Variants in PGM5 observed in about 807,000 individuals in gnomAD.
PGM5 encodes the protein phosphoglucomutase 5, also known as phosphoglucomutase-like protein 5.
PGM5 carries 23 observed loss-of-function variants against 59.2 expected under a neutral mutation model. The observed-to-expected ratio is 0.39, with a 90% CI of 0.28 to 0.55. The LOEUF is 0.55. PGM5 is among the 20% of genes least tolerant of loss of function. The pLI is 0.66. For synonymous variants in PGM5, 214 were observed against 286.0 expected (o/e 0.75, Z 2.54); for missense variants, 574 against 748.3 (o/e 0.77, Z 2.72).
At chr9:68,456,756 C>G (rs1291831685) in intron 6 of PGM5, among the ~76,000 whole-genome samples, 2 of 151,688 alleles carry the variant, frequency 1.3e-5, no homozygotes, top group Non-Finnish European at 2.9e-5. Flanking sequence ...TCCCAAGTAG[C>G]TAGGATTACA....
chr9:68,392,765 A>G (rs1167659311), intron 6 of PGM5, among the ~76,000 whole-genome samples: 4 of 152,092 alleles, frequency 2.6e-5, no homozygotes, highest in Non-Finnish European at 5.9e-5. Context: ...GATTGTCATG[A>G]AGTACAAATG....
chr9:68,496,026 C>T (rs1025726290), intron 9 of PGM5, among the ~76,000 whole-genome samples: 5 of 152,196 alleles, frequency 3.3e-5, no homozygotes, highest in African/African-American at 1.2e-4. Context: ...TGAATGGACA[C>T]GACTGTGCCC....
chr9:68,409,452 A>G (rs2132037270), intron 6 of PGM5, among the ~76,000 whole-genome samples: 1 of 128,514 alleles, frequency 7.8e-6, no homozygotes, highest in East Asian at 2.1e-4. Flanking sequence ...ATTATTCACA[A>G]TAGCAAAGAC....
intron 6 of PGM5, among the ~76,000 whole-genome samples, chr9:68,438,715 A>G (rs1554683500): frequency 6.6e-6 from 1 of 152,210 alleles, no homozygotes; most frequent in African/African-American, 2.4e-5. Flanking sequence ...TTGTCTGTCC[A>G]GTATTCTTCC....
At position 68,474,422 on chromosome 9, in the gene PGM5, T is replaced by C. The variant is rs556067206; in HGVS notation, c.1160-4996T>C. 2.6e-5 allele frequency among the ~76,000 whole-genome samples: 4 copies of C among 152,332 alleles called. No homozygotes were observed. The East Asian group carries it at 7.7e-4, about 29-fold the overall frequency. ...TGTGAAGAAAACATCTTTAAGATGA[T>C]TGAGCATTCTCTTTATTTTTCCCTT... On this transcript the variant is annotated intron_variant, in intron 7 of 10. Coordinates refer to ENST00000396396, the MANE Select transcript of PGM5 (RefSeq NM_021965.4).
At chr9:68,382,216 A>G (rs1822096360) in intron 2 of PGM5, among the ~76,000 whole-genome samples, 1 of 151,328 alleles carries the variant, frequency 6.6e-6, no homozygotes, top group African/African-American at 2.4e-5. Flanking sequence ...AAATAAATCA[A>G]GGCATATATA....
At chr9:68,372,067 CA>C (rs1161456184) in intron 1 of PGM5, among the ~76,000 whole-genome samples, 1 of 152,126 alleles carries the variant, frequency 6.6e-6, no homozygotes, top group Admixed American at 6.5e-5. Context: ...AGGTTTATGG[CA>C]ATTTGTTATA....
chr9:68,402,986 T>C (rs1554680793), intron 6 of PGM5, among the ~76,000 whole-genome samples: 1 of 152,218 alleles, frequency 6.6e-6, no homozygotes, highest in Non-Finnish European at 1.5e-5. Flanking sequence ...GAGGGAAAGA[T>C]AGTATCTAAG....
chr9:68,367,310 T>C (rs2210482), intron 1 of PGM5, among the ~76,000 whole-genome samples: 56,707 of 151,062 alleles, frequency 0.38, 10,984 homozygotes, highest in Admixed American at 0.41. Context: ...CCTCTCCCCT[T>C]CATGCCCACC....
chr9:68,511,545 CTTT>C (rs3064033), intron 10 of PGM5, among the ~76,000 whole-genome samples: 1 of 62,728 alleles, frequency 1.6e-5, no homozygotes, highest in Non-Finnish European at 2.8e-5. Context: ...TTGTTTTTGC[CTTT>C]TTTTTTTTTT....
At chr9:68,413,195 A>G (rs1389085229) in intron 6 of PGM5, among the ~76,000 whole-genome samples, 2 of 152,128 alleles carry the variant, frequency 1.3e-5, no homozygotes, top group Admixed American at 1.3e-4. Context: ...CTGTCTGGCT[A>G]TCTTCATTTC....
At chr9:68,484,505 A>G (rs1824255065) in intron 9 of PGM5, among the ~76,000 whole-genome samples, 1 of 149,720 alleles carries the variant, frequency 6.7e-6, no homozygotes, top group Non-Finnish European at 1.5e-5. Flanking sequence ...ACACCATTGC[A>G]CTTCAGCGTG....
chr9:68,483,805 G>A, intron 8 of PGM5, 60 bp from the exon 9 acceptor site: 1 of 1,499,634 alleles, frequency 6.7e-7, no homozygotes, highest in Non-Finnish European at 9.2e-7. Flanking sequence ...ATAACTGTAA[G>A]TGGGCCACCC....
chr9:68,455,181 G>A (rs963202300), intron 6 of PGM5, among the ~76,000 whole-genome samples: 2 of 152,192 alleles, frequency 1.3e-5, no homozygotes, highest in Non-Finnish European at 2.9e-5. Flanking sequence ...AGAGTTACAC[G>A]ATGAAATGAA....
chr9:68,376,833 C>CTTTCTTTGTT (rs1461144548), intron 1 of PGM5, among the ~76,000 whole-genome samples: 22 of 77,960 alleles, frequency 2.8e-4, no homozygotes, highest in African/African-American at 1.1e-3. Flanking sequence ...TTCTTTCTTT[C>CTTTCTTTGTT]TCTTTCTTTC....
chr9:68,491,302 C>T (rs546239083), intron 9 of PGM5, among the ~76,000 whole-genome samples: 11 of 152,168 alleles, frequency 7.2e-5, no homozygotes, highest in Non-Finnish European at 1.6e-4. Flanking sequence ...GAAAGTTCTC[C>T]ATAGAGAGGT....
At chr9:68,374,736 C>T (rs1383277831) in intron 1 of PGM5, among the ~76,000 whole-genome samples, 3 of 152,076 alleles carry the variant, frequency 2.0e-5, no homozygotes, top group Admixed American at 2.0e-4. Context: ...TTATTTTTTC[C>T]CATTAATTAA....
intron 6 of PGM5, among the ~76,000 whole-genome samples, chr9:68,407,247 C>A (rs1822839744): frequency 6.6e-6 from 1 of 152,120 alleles, no homozygotes; most frequent in Non-Finnish European, 1.5e-5. Context: ...CCCACCTCAG[C>A]CTCCCAAGTA....
At chr9:68,365,418 C>T (rs1379550007) in intron 1 of PGM5, among the ~76,000 whole-genome samples, 49 of 150,076 alleles carry the variant, frequency 3.3e-4, no homozygotes, top group African/African-American at 1.2e-3. Context: ...TAGATTCTTT[C>T]ATCTGATTTG....
Sources: allele counts gnomAD v4.1 joint callset (sites outside exome capture counted in the v4.1 genomes callset), GRCh38; gene constraint gnomAD v4.1.1; transcripts MANE v1.5; gene names NCBI Gene and HGNC (gene_info 2026-07-23, HGNC 2026-07-21).